The following ITSN2 variants were observed in gnomAD, a reference collection of about 807,000 sequenced individuals.
ITSN2 encodes intersectin 2, also known as intersectin-2.
A neutral mutation model predicts 243.7 loss-of-function variants in ITSN2; 156 were observed. The observed-to-expected ratio is 0.64, with a 90% CI of 0.56 to 0.73. The LOEUF (loss-of-function observed/expected upper bound fraction) is 0.73, where lower values mean the gene tolerates loss of function less well. Ranked by LOEUF, ITSN2 falls within the 30% of genes least tolerant of loss-of-function variation. The probability of loss-of-function intolerance (pLI) is 0.00; values close to 1 mark genes in which losing one functional copy is unlikely to be tolerated. For synonymous variants in ITSN2, 703 were observed against 699.9 expected (o/e 1.00, Z -0.07); for missense variants, 1,801 against 1,996.1 (o/e 0.90, Z 1.86).
At chr2:24,256,336 G>C (rs1324893362) in intron 23 of ITSN2, among the ~76,000 whole-genome samples, 1 of 152,230 alleles carries the variant, frequency 6.6e-6, no homozygotes, top group Non-Finnish European at 1.5e-5. Flanking sequence ...GGTCTTTAAA[G>C]ATTATTTGGC....
Position 24,225,681 on chromosome 2 carries a change from G to A in ITSN2, c.3578-4615C>T, listed in dbSNP as rs1309586176. 6.6e-6 allele frequency among the ~76,000 whole-genome samples: 1 copy of A among 152,192 alleles called. No homozygotes were observed. The highest frequency in any genetic ancestry group is 2.4e-5 in the African/African-American group (1 of 41,454). On this transcript the variant is annotated intron_variant, in intron 29 of 39. Transcript: ENST00000355123. The surrounding 1 kb of genome is among the most constrained non-coding windows in gnomAD (Gnocchi z 4.2). The stretch of plus-strand genomic sequence containing the variant: ...CTGATGCTCCTGTCCTGTGCGGTCA[G>A]ATGAATCCAGACAATGCTGCAGGCT...
chr2:24,209,609 G>A (rs565571018), intron 35 of ITSN2, among the ~76,000 whole-genome samples: 1 of 152,350 alleles, frequency 6.6e-6, no homozygotes, highest in African/African-American at 2.4e-5. Context: ...CAGAATCTCA[G>A]CTGGAATCTG....
intron 7 of ITSN2, chr2:24,308,992 C>T: frequency 4.1e-6 from 2 of 492,810 alleles, no homozygotes; most frequent in Non-Finnish European, 8.1e-6. Flanking sequence ...CATAAGAGTG[C>T]AAACCCTATT....
rs766610472 is a variant in ITSN2, at chr2:24,310,490, T to TGAA, written c.552_554dup (p.Ser185dup). 1.2e-6 allele frequency: 2 copies of TGAA among 1,613,556 alleles called. No individual in the cohort carries two copies. Among genetic ancestry groups the TGAA allele is most frequent in the East Asian group, 4.5e-5 (2 of 44,896 alleles). ...ACTCTTTAGAAACAAAGTACTCACT[T>TGAA]GAAGAAGAATAAGGAATGGGTAAAG... On this transcript the variant is annotated inframe_insertion and splice_region_variant, in exon 6 of 40. Transcript: ENST00000355123.
chr2:24,288,127 G>A (rs1362339949), intron 15 of ITSN2, among the ~76,000 whole-genome samples: 1 of 151,994 alleles, frequency 6.6e-6, no homozygotes, highest in African/African-American at 2.4e-5. Flanking sequence ...AAGAGCTTTT[G>A]TCAATGTTTT....
chr2:24,310,241 C>A lies in ITSN2; in HGVS notation c.653+43G>T, dbSNP rs527543512. The A allele has an allele frequency of 2.4e-5, 30 of 1,251,438 alleles. 1 individual carries two copies. In the South Asian group the frequency reaches 3.9e-4, roughly 16 times the overall value. 77.5% of individuals were successfully genotyped at this position (1,251,438 alleles called of 1,614,324 possible). A position where few individuals can be genotyped will look rare whatever the true frequency, so the allele number is the denominator to read the frequency against. ...AAAATCATTTGTTAAATAAAGACTT[C>A]TTACTGAAAGCATAAAAAGTTGTCA... On this transcript the variant is annotated intron_variant, in intron 7 of 39. Transcript: ENST00000355123.
At chr2:24,276,257 A>G (rs759824266) in intron 17 of ITSN2, among the ~76,000 whole-genome samples, 3 of 152,252 alleles carry the variant, frequency 2.0e-5, no homozygotes, top group African/African-American at 4.8e-5. Flanking sequence ...TTTTTATCCA[A>G]TATCATCTTG....
chr2:24,336,702 T>C (rs1461518704), intron 1 of ITSN2, among the ~76,000 whole-genome samples: 1 of 152,232 alleles, frequency 6.6e-6, no homozygotes, highest in Non-Finnish European at 1.5e-5. Context: ...CTATCTCCTA[T>C]GTGTGTCCAT....
At chr2:24,331,497 T>C (rs571817528) in intron 1 of ITSN2, among the ~76,000 whole-genome samples, 2 of 152,300 alleles carry the variant, frequency 1.3e-5, no homozygotes, top group South Asian at 4.1e-4. Context: ...GAAACACCTT[T>C]CCCTTCTAGT....
chr2:24,285,926 TAATACTGACAAAGGC>T (rs1003133080), intron 16 of ITSN2, among the ~76,000 whole-genome samples: 7 of 152,322 alleles, frequency 4.6e-5, no homozygotes, highest in African/African-American at 1.7e-4. Flanking sequence ...ATCAGTTCTG[TAATACTGACAAAGGC>T]AATTGTTCTG....
intron 20 of ITSN2, among the ~76,000 whole-genome samples, chr2:24,267,406 TA>T (rs1676796014): frequency 1.3e-5 from 2 of 151,930 alleles, no homozygotes; most frequent in Admixed American, 6.6e-5. Context: ...AGTATGGTCT[TA>T]AGGAAAGGAA....
intron 37 of ITSN2, chr2:24,206,419 T>G: frequency 3.3e-6 from 1 of 301,072 alleles, no homozygotes; most frequent in Non-Finnish European, 6.7e-6. Context: ...AAGGTGGAGA[T>G]GCAGCTGGCT....
At chr2:24,248,086 G>C (rs1189328267) in intron 27 of ITSN2, among the ~76,000 whole-genome samples, 1 of 151,772 alleles carries the variant, frequency 6.6e-6, no homozygotes, top group African/African-American at 2.4e-5. Flanking sequence ...AACTAGTAAG[G>C]AAATAATAGA....
At chr2:24,321,907 C>A (rs970484608) in intron 2 of ITSN2, 1 of 152,102 alleles carries the variant, frequency 6.6e-6, no homozygotes, top group Non-Finnish European at 1.5e-5. Flanking sequence ...TATTATTATT[C>A]TCATTTTATA....
intron 17 of ITSN2, among the ~76,000 whole-genome samples, chr2:24,281,090 G>A (rs1174428169): frequency 6.6e-6 from 1 of 152,166 alleles, no homozygotes; most frequent in Non-Finnish European, 1.5e-5. Flanking sequence ...GTGCAGTGGT[G>A]TAACCTTGCC....
At chr2:24,345,342 ACAGT>A (rs1358761336) in intron 1 of ITSN2, among the ~76,000 whole-genome samples, 3 of 152,220 alleles carry the variant, frequency 2.0e-5, no homozygotes, top group Non-Finnish European at 4.4e-5. Context: ...GCAAAACATG[ACAGT>A]CATTCTTTAT....
In ITSN2 at chr2:24,310,478, A is replaced by C. The variant is rs761172397; in HGVS notation, c.556+11T>G. Reference sequence around the variant, plus strand: ...CATGAAATAATGACTCTTTAGAAACAAAGTACTCACTTGAAGAAGAATAAG... The same window carrying C: ...CATGAAATAATGACTCTTTAGAAACCAAGTACTCACTTGAAGAAGAATAAG... On this transcript the variant is annotated intron_variant, in intron 6 of 39. Transcript: ENST00000355123. 1.9e-6 allele frequency: 3 copies of C among 1,612,940 alleles called. No individual in the cohort carries two copies. The highest frequency in any genetic ancestry group is 3.3e-5 in the Admixed American group (2 of 60,022).
At chr2:24,306,550 G>A (rs568922380) in intron 8 of ITSN2, among the ~76,000 whole-genome samples, 68 of 152,202 alleles carry the variant, frequency 4.5e-4, no homozygotes, top group Non-Finnish European at 3.8e-4. Flanking sequence ...TGGTTTTATC[G>A]CTTTAAAGTA....
At chr2:24,303,668 G>A in intron 9 of ITSN2, 131 bp downstream of exon 9, 1 of 655,182 alleles carries the variant, frequency 1.5e-6, no homozygotes, top group Non-Finnish European at 2.7e-6. Context: ...CTTTCAAATG[G>A]CTGCTTTTAT....
Sources: allele counts gnomAD v4.1 joint callset (sites outside exome capture counted in the v4.1 genomes callset), GRCh38; gene constraint gnomAD v4.1.1; non-coding constraint Gnocchi (gnomAD v3.1); transcripts MANE v1.5; gene names NCBI Gene and HGNC (gene_info 2026-07-23, HGNC 2026-07-21).